Variants in DCC observed in about 807,000 individuals in gnomAD.
The protein encoded by DCC is netrin receptor DCC.
DCC carries 58 observed loss-of-function variants against 172.5 expected under a neutral mutation model. The observed-to-expected ratio is 0.34, with a 90% confidence interval of 0.27 to 0.42. DCC has a LOEUF of 0.42. DCC is among the 10% of genes least tolerant of loss of function. The pLI, the probability that DCC is intolerant of heterozygous loss-of-function variation, is 1.00. For synonymous variants in DCC, 709 were observed against 644.5 expected (o/e 1.10, Z -1.52); for missense variants, 1,740 against 1,791.0 (o/e 0.97, Z 0.51).
chr18:52,538,737 A>AT (rs771784493), intron 1 of DCC, among the ~76,000 whole-genome samples: 4 of 151,516 alleles, frequency 2.6e-5, no homozygotes, highest in Non-Finnish European at 4.4e-5. Flanking sequence ...TCTTAATATA[A>AT]TTTTCTCTCT....
intron 1 of DCC, among the ~76,000 whole-genome samples, chr18:52,550,009 A>G (rs1276392079): frequency 6.6e-6 from 1 of 152,046 alleles, no homozygotes; most frequent in East Asian, 1.9e-4. Context: ...ACTTTATAGT[A>G]GAGAAATAGG....
chr18:52,619,653 C>T (rs956513426), intron 1 of DCC, among the ~76,000 whole-genome samples: 1 of 152,154 alleles, frequency 6.6e-6, no homozygotes, highest in Non-Finnish European at 1.5e-5. Flanking sequence ...AAAGACCTTT[C>T]AAGATTCAAG....
intron 1 of DCC, among the ~76,000 whole-genome samples, chr18:52,419,870 C>A (rs1259240795): frequency 6.6e-6 from 1 of 151,998 alleles, no homozygotes; most frequent in African/African-American, 2.4e-5. Flanking sequence ...CATATACATA[C>A]CATATCAGAG....
intron 2 of DCC, among the ~76,000 whole-genome samples, chr18:52,801,418 A>G (rs2037982539): frequency 6.6e-6 from 1 of 152,220 alleles, no homozygotes; most frequent in South Asian, 2.1e-4. Context: ...AATAACAATG[A>G]AGGATGAGTA....
chr18:52,504,775 C>A (rs1206875251), intron 1 of DCC, among the ~76,000 whole-genome samples: 2 of 152,044 alleles, frequency 1.3e-5, no homozygotes, highest in Admixed American at 1.3e-4. Flanking sequence ...CGCCCCTCCC[C>A]CCGGCCACCT....
chr18:52,602,199 G>GAAAGTC (rs2034030850), intron 1 of DCC, among the ~76,000 whole-genome samples: 1 of 152,052 alleles, frequency 6.6e-6, no homozygotes, highest in African/African-American at 2.4e-5. Flanking sequence ...ATTATTTCCT[G>GAAAGTC]AAAGTCTCTT....
At chr18:52,846,087 T>C (rs1045345981) in intron 2 of DCC, among the ~76,000 whole-genome samples, 3 of 152,216 alleles carry the variant, frequency 2.0e-5, no homozygotes, top group Admixed American at 6.5e-5. Flanking sequence ...AGTTTTCCTT[T>C]ACAAGGATTT....
intron 5 of DCC, among the ~76,000 whole-genome samples, chr18:52,928,282 C>G (rs888572880): frequency 7.9e-5 from 12 of 152,002 alleles, no homozygotes; most frequent in African/African-American, 2.4e-4. Flanking sequence ...ACACTGGGGC[C>G]TACTGAGAGT....
At chr18:52,352,203 C>T (rs758773388) in intron 1 of DCC, among the ~76,000 whole-genome samples, 2 of 152,100 alleles carry the variant, frequency 1.3e-5, no homozygotes, top group Non-Finnish European at 2.9e-5. Flanking sequence ...TTCATAAATG[C>T]TAGCTATTGT....
chr18:52,867,085 A>T (rs1405649284), intron 2 of DCC, among the ~76,000 whole-genome samples: 1 of 152,174 alleles, frequency 6.6e-6, no homozygotes, highest in Non-Finnish European at 1.5e-5. Flanking sequence ...AGTTTTTAGC[A>T]TGAAGGGTGT....
intron 26 of DCC, among the ~76,000 whole-genome samples, chr18:53,493,156 A>G (rs2045978338): frequency 1.3e-5 from 2 of 152,100 alleles, no homozygotes; most frequent in East Asian, 1.9e-4. Flanking sequence ...AATGCTTGTG[A>G]TTTTTGCACA....
chr18:53,289,430 A>G (rs530858079), intron 12 of DCC, among the ~76,000 whole-genome samples: 35 of 152,256 alleles, frequency 2.3e-4, no homozygotes, highest in African/African-American at 7.9e-4. Flanking sequence ...AAAGGGGACT[A>G]TAGTATGGTG....
At position 52,662,635 on chromosome 18, in the gene DCC, C is replaced by T. The variant is rs561418630; in HGVS notation, c.92-89419C>T. 3.1e-3 allele frequency among the ~76,000 whole-genome samples: 406 copies of T among 131,990 alleles called. 1 individual carries two copies. The highest frequency in any genetic ancestry group is 0.011 in the African/African-American group (378 of 34,452). 86.6% of individuals were successfully genotyped at this position (131,990 alleles called of 152,430 possible). ...AGAGAAAGAAAGAAAGAGAAAGAAG[C>T]GAAAAGAAGAAAACAAGGGATGGAA... On this transcript the variant is annotated intron_variant, in intron 1 of 28. Transcript: ENST00000442544.
At chr18:53,049,038 AT>A (rs1043490122) in intron 5 of DCC, among the ~76,000 whole-genome samples, 7 of 151,296 alleles carry the variant, frequency 4.6e-5, no homozygotes, top group Admixed American at 2.0e-4. Context: ...GTTGTTTAGT[AT>A]TTTTTTTGTA....
At chr18:53,036,684 G>T (rs1255539484) in intron 5 of DCC, among the ~76,000 whole-genome samples, 1 of 152,006 alleles carries the variant, frequency 6.6e-6, no homozygotes, top group African/African-American at 2.4e-5. Context: ...ATAGGTAGCT[G>T]AATGCTATTC....
At chr18:52,990,551 A>C (rs1211576763) in intron 5 of DCC, among the ~76,000 whole-genome samples, 3 of 101,266 alleles carry the variant, frequency 3.0e-5, no homozygotes, top group Middle Eastern at 5.4e-3. Context: ...AAAAAAAAAA[A>C]AAAAAAAAAA....
intron 2 of DCC, among the ~76,000 whole-genome samples, chr18:52,885,584 C>T (rs1037238217): frequency 6.6e-6 from 1 of 152,144 alleles, no homozygotes; most frequent in Non-Finnish European, 1.5e-5. Flanking sequence ...ATGGCAGGTC[C>T]AGACATGCTA....
At chr18:53,355,214 T>C (rs1451685135) in intron 15 of DCC, among the ~76,000 whole-genome samples, 3 of 152,090 alleles carry the variant, frequency 2.0e-5, no homozygotes, top group Non-Finnish European at 4.4e-5. Context: ...AGCATGATGC[T>C]TCCAGCTTTG....
intron 5 of DCC, among the ~76,000 whole-genome samples, chr18:52,940,305 G>A (rs181269270): frequency 3.0e-4 from 45 of 152,240 alleles, no homozygotes; most frequent in African/African-American, 1.0e-3. Flanking sequence ...AAGAACAGTC[G>A]AGGCAGAGAC....
Sources: allele counts gnomAD v4.1 joint callset (sites outside exome capture counted in the v4.1 genomes callset), GRCh38; gene constraint gnomAD v4.1.1; transcripts MANE v1.5; gene names NCBI Gene and HGNC (gene_info 2026-07-23, HGNC 2026-07-21).